Variants in EIF3I observed in about 807,000 individuals in gnomAD.
EIF3I encodes the protein TGF-beta receptor-interacting protein 1.
In EIF3I, 20 loss-of-function variants were observed where a neutral mutation model predicts 43.3. The ratio of observed to expected loss-of-function variants is 0.46; its 90% CI spans 0.32 to 0.67. The LOEUF (loss-of-function observed/expected upper bound fraction) is 0.67. EIF3I is among the 30% of genes least tolerant of loss of function. The pLI is 0.03. For missense variants in EIF3I, 279 were observed against 421.4 expected (o/e 0.66, Z 2.96); for synonymous variants, 167 against 151.7 (o/e 1.10, Z -0.74).
intron 9 of EIF3I, 107 bp downstream of exon 9, chr1:32,229,315 C>T: frequency 8.3e-7 from 1 of 1,202,990 alleles, no homozygotes; most frequent in Non-Finnish European, 1.2e-6. Context: ...GGCTGGAGCG[C>T]AGTGGCGTGA....
intron 4 of EIF3I, 94 bp downstream of exon 4, chr1:32,224,569 CATAG>C: frequency 1.1e-6 from 1 of 891,844 alleles, no homozygotes; most frequent in Non-Finnish European, 1.8e-6. Context: ...AGATGAAATC[CATAG>C]ATAGTTTCCA....
chr1:32,222,523 G>A lies in EIF3I; in HGVS notation c.4-15G>A, dbSNP rs753038401. 16 of 1,614,010 alleles carry A rather than the reference G, an allele frequency of 9.9e-6. No individual in the cohort carries two copies. The highest frequency in any genetic ancestry group is 6.7e-5 in the African/African-American group (5 of 74,920). ...CCCAATTCCGAGCACTGACGTTACT[G>A]TCTTGTCCCCACAGAAGCCGATCCT... On this transcript the variant is annotated splice_polypyrimidine_tract_variant and intron_variant, in intron 1 of 11. Transcript: ENST00000676679.
At chr1:32,228,081 C>G (rs1408285502) in intron 6 of EIF3I, among the ~76,000 whole-genome samples, 1 of 152,190 alleles carries the variant, frequency 6.6e-6, no homozygotes, top group African/African-American at 2.4e-5. Flanking sequence ...GCAAAAGGAA[C>G]AGCAAAGGCA....
chr1:32,224,658 C>CTTTT (rs58586351), intron 4 of EIF3I, among the ~76,000 whole-genome samples, 183 bp downstream of exon 4: 9 of 136,340 alleles, frequency 6.6e-5, no homozygotes, highest in South Asian at 2.3e-4. Context: ...ATTAAGTTTT[C>CTTTT]TTTTTTTTTT....
At chr1:32,224,325 G>A (rs1639105684) in intron 3 of EIF3I, 85 bp from the exon 4 acceptor site, 1 of 1,268,954 alleles carries the variant, frequency 7.9e-7, no homozygotes, top group Non-Finnish European at 1.2e-6. Flanking sequence ...GGCTCTTTGG[G>A]GCTGAACAGG....
chr1:32,229,288 T>G, intron 9 of EIF3I, 80 bp downstream of exon 9: 3 of 1,448,600 alleles, frequency 2.1e-6, no homozygotes, highest in Non-Finnish European at 2.9e-6. Context: ...TGAGATGGAG[T>G]CTCGCTCTGT....
At chr1:32,230,941 C>A (rs1383407961) in exon 11 of EIF3I, 4 of 1,592,386 alleles carry the variant, frequency 2.5e-6, no homozygotes, top group African/African-American at 1.4e-5. Flanking sequence ...TTCCATTTGG[C>A]CTTTGAAGAA....
chr1:32,222,447 G>A lies in EIF3I; in HGVS notation c.3+3G>A, dbSNP rs1465692557. On this transcript the variant is annotated splice_donor_region_variant and intron_variant, in intron 1 of 11. Transcript: ENST00000676679. Reference sequence around the variant, plus strand: ...TTCCTCGCGTCACAGCCGGGATGGTGAGTTTCAGAGTTAGGGGTATTGCAG... The same window carrying A: ...TTCCTCGCGTCACAGCCGGGATGGTAAGTTTCAGAGTTAGGGGTATTGCAG... 1.9e-6 allele frequency: 3 copies of A among 1,600,864 alleles called. No individual in the cohort carries two copies. Among genetic ancestry groups the A allele is most frequent in the Non-Finnish European group, 2.6e-6 (3 of 1,170,382 alleles).
In EIF3I at chr1:32,225,984, C is replaced by T. The variant is rs988496532; in HGVS notation, c.251-187C>T. 4.0e-5 allele frequency among the ~76,000 whole-genome samples: 6 copies of T among 151,680 alleles called. No individual in the cohort carries two copies. The South Asian group carries it at 1.2e-3, about 32-fold the overall frequency. On this transcript the variant is annotated intron_variant, in intron 4 of 11. Transcript: ENST00000676679. ...TGCAGTGAGAGCCGAGATTGCACCA[C>T]TGCACTCCAGCCTGGGCAACAGAGT...
exon 3 of EIF3I, chr1:32,224,043 G>T (rs758846450): frequency 1.2e-6 from 2 of 1,614,162 alleles, no homozygotes; most frequent in Admixed American, 1.7e-5. Flanking sequence ...GATCGTCAAT[G>T]TATGGTACTC....
At chr1:32,228,706 C>T (rs768449198) in intron 7 of EIF3I, 21 bp from the exon 8 acceptor site, 5 of 1,609,578 alleles carry the variant, frequency 3.1e-6, no homozygotes, top group Non-Finnish European at 4.3e-6. Context: ...TACAGATTTC[C>T]CCCCTGCCTT....
downstream of EIF3I, chr1:32,231,873 AG>A (rs1348629216): frequency 1.3e-5 from 2 of 152,818 alleles, no homozygotes; most frequent in Non-Finnish European, 2.9e-5. Flanking sequence ...GTTGGCTGAG[AG>A]GCTTCTGTCT....
chr1:32,224,489 A>G lies in EIF3I; in HGVS notation c.250+14A>G. The G allele has an allele frequency of 6.2e-7, 1 of 1,610,940 alleles. No individual in the cohort carries two copies. The highest frequency in any genetic ancestry group is 8.5e-7 in the Non-Finnish European group (1 of 1,178,000). ...ACTGTGAAACAGGTAAGCTGGGTTC[A>G]TTCACCTTTTTAGCAAATATTGAGG... is the stretch of plus-strand genomic sequence containing the variant. On this transcript the variant is annotated intron_variant, in intron 4 of 11. Coordinates refer to ENST00000676679, the Ensembl canonical transcript of EIF3I.
At chr1:32,226,229 T>C (rs752792250) in exon 5 of EIF3I, 9 of 1,613,936 alleles carry the variant, frequency 5.6e-6, no homozygotes, top group Middle Eastern at 1.6e-4. Context: ...GTTTTGACTT[T>C]GGGGGCAACA....
At chr1:32,224,761 C>T (rs1238463567) in intron 4 of EIF3I, among the ~76,000 whole-genome samples, 1 of 151,366 alleles carries the variant, frequency 6.6e-6, no homozygotes, top group Non-Finnish European at 1.5e-5. Context: ...ACCTCTGTCT[C>T]CCGGGTTCAA....
chr1:32,235,611 G>A (rs545076711), downstream of EIF3I, among the ~76,000 whole-genome samples: 14 of 152,256 alleles, frequency 9.2e-5, no homozygotes, highest in South Asian at 1.2e-3. Flanking sequence ...GAGCCACCGC[G>A]CCCAGCCTAA....
chr1:32,236,046 A>G (rs1639294194), downstream of EIF3I, among the ~76,000 whole-genome samples: 1 of 152,140 alleles, frequency 6.6e-6, no homozygotes, highest in East Asian at 1.9e-4. Flanking sequence ...CTCCCACCAT[A>G]CCAAAGGACA....
Position 32,225,744 on chromosome 1 carries a change from C to T in EIF3I, c.251-427C>T, listed in dbSNP as rs191565332. On this transcript the variant is annotated intron_variant, in intron 4 of 11. Transcript: ENST00000676679. ...AACTCCATCTCAAAAAAAAAAAGGC[C>T]GGGCGCGGTGGCTCACACCTGTAAT... 3.8e-3 allele frequency among the ~76,000 whole-genome samples: 582 copies of T among 151,736 alleles called. 4 individuals carry two copies. The highest frequency in any genetic ancestry group is 6.9e-3 in the Non-Finnish European group (472 of 67,932).
intron 2 of EIF3I, among the ~76,000 whole-genome samples, chr1:32,223,633 G>A (rs570204306): frequency 6.6e-6 from 1 of 152,334 alleles, no homozygotes; most frequent in African/African-American, 2.4e-5. Context: ...GAGAAGCACT[G>A]TATTTGAGAT....
Sources: gnomAD v4.1 joint callset for allele counts (sites outside exome capture counted in the v4.1 genomes callset) on GRCh38, gnomAD v4.1.1 for gene constraint, MANE v1.5 for transcripts, NCBI Gene and HGNC (gene_info 2026-07-23, HGNC 2026-07-21) for gene names.